Variants in OLFM2 observed in about 807,000 individuals in gnomAD.
OLFM2 encodes the protein olfactomedin 2.
In OLFM2, 20 loss-of-function variants were observed where a neutral mutation model predicts 43.9. That is an observed-to-expected ratio of 0.46 (90% confidence interval 0.32 to 0.66). OLFM2 has a LOEUF of 0.66. OLFM2 is among the 30% of genes least tolerant of loss of function. The pLI, the probability that OLFM2 is intolerant of heterozygous loss-of-function variation, is 0.04. For synonymous variants in OLFM2, 268 were observed against 278.6 expected (o/e 0.96, Z 0.38); for missense variants, 416 against 643.6 (o/e 0.65, Z 3.83).
At chr19:9,905,456 CAAAATAAAAT>C (rs749400741) in intron 1 of OLFM2, among the ~76,000 whole-genome samples, 4 of 151,440 alleles carry the variant, frequency 2.6e-5, no homozygotes, top group South Asian at 4.2e-4. Flanking sequence ...GACTCCATCT[CAAAATAAAAT>C]AAAATAAAAT....
intron 1 of OLFM2, among the ~76,000 whole-genome samples, chr19:9,889,596 C>T (rs749020265): frequency 1.6e-4 from 25 of 152,120 alleles, no homozygotes; most frequent in Non-Finnish European, 2.9e-4. Flanking sequence ...TGCATCAGCC[C>T]GAATGTGGAC....
intron 1 of OLFM2, among the ~76,000 whole-genome samples, chr19:9,904,778 G>A (rs897882206): frequency 2.6e-5 from 4 of 152,030 alleles, no homozygotes; most frequent in East Asian, 1.9e-4. Context: ...CCAACACTCC[G>A]GGAGGCCAAG....
At chr19:9,899,552 TTCTTC>T (rs149786268) in intron 1 of OLFM2, among the ~76,000 whole-genome samples, 8,306 of 152,026 alleles carry the variant, frequency 0.055, 385 homozygotes, top group African/African-American at 0.13. Context: ...ACTTGTTTTG[TTCTTC>T]TCTTTTCTTT....
intron 1 of OLFM2, among the ~76,000 whole-genome samples, chr19:9,935,003 T>G (rs1361483699): frequency 1.3e-5 from 2 of 152,190 alleles, no homozygotes; most frequent in Non-Finnish European, 2.9e-5. Context: ...GAGCGGATTA[T>G]TTAACAAGAG....
chr19:9,920,429 C>T (rs74551978), intron 1 of OLFM2, among the ~76,000 whole-genome samples: 1 of 152,064 alleles, frequency 6.6e-6, no homozygotes, highest in Non-Finnish European at 1.5e-5. Context: ...GATGTACCCA[C>T]GGTCAGAAAT....
intron 1 of OLFM2, among the ~76,000 whole-genome samples, chr19:9,866,477 G>A (rs2046402796): frequency 6.7e-6 from 1 of 149,188 alleles, no homozygotes; most frequent in Non-Finnish European, 1.5e-5. Context: ...TGTGGCAGAT[G>A]TACTAAAGAA....
chr19:9,892,453 G>A (rs999605456), intron 1 of OLFM2, among the ~76,000 whole-genome samples: 13 of 152,178 alleles, frequency 8.5e-5, no homozygotes, highest in Non-Finnish European at 2.9e-5. Flanking sequence ...CCTCACGCCT[G>A]TAATCCCAGC....
At chr19:9,855,020 C>A (rs147987371) in intron 5 of OLFM2, among the ~76,000 whole-genome samples, 157 bp from the exon 6 acceptor site, 9 of 152,248 alleles carry the variant, frequency 5.9e-5, no homozygotes, top group Admixed American at 2.0e-4. Context: ...CTAGTGTGAC[C>A]ATGATCATCT....
chr19:9,927,937 C>T (rs971887639), intron 1 of OLFM2, among the ~76,000 whole-genome samples: 1 of 152,158 alleles, frequency 6.6e-6, no homozygotes, highest in Non-Finnish European at 1.5e-5. Flanking sequence ...TGGCTCATGC[C>T]TGTAATCCCA....
chr19:9,875,848 A>G (rs11669872), intron 1 of OLFM2, among the ~76,000 whole-genome samples: 60,805 of 151,886 alleles, frequency 0.4, 14,969 homozygotes, highest in Admixed American at 0.54. Context: ...GAATAGCTCA[A>G]TAGCTACCAC....
intron 1 of OLFM2, among the ~76,000 whole-genome samples, chr19:9,912,318 C>T (rs1466822556): frequency 2.6e-5 from 4 of 152,164 alleles, no homozygotes; most frequent in Non-Finnish European, 5.9e-5. Flanking sequence ...CCACCACCAC[C>T]ACACACCCTT....
intron 1 of OLFM2, among the ~76,000 whole-genome samples, chr19:9,892,064 ATGTC>A (rs1304338392): frequency 2.6e-5 from 4 of 152,024 alleles, no homozygotes; most frequent in Non-Finnish European, 5.9e-5. Context: ...GAGGAGGGCT[ATGTC>A]TGAGTGTGCC....
In OLFM2 at chr19:9,854,278, G is replaced by A. The variant is rs1208468755; in HGVS notation, c.1273C>T (p.Arg425Trp). ...TTCCAGGTATAGAGGGCGCGCTCCC[G>A]GGGGTTGTAATCCAGCATCGAGATG... Reference protein sequence around the residue: ...SHISMLDYNPRERALYTWNNG... With the variant: ...SHISMLDYNPWERALYTWNNG... The change falls in exon 6 of 6, where the codon CGG becomes TGG. Residue 425 changes from arginine (R) to tryptophan (W), a missense_variant. Coordinates refer to ENST00000264833, the MANE Select transcript of OLFM2 (RefSeq NM_058164.4). The surrounding 1 kb of genome is among the most constrained non-coding windows in gnomAD (Gnocchi z 9.5). 1.2e-6 allele frequency: 2 copies of A among 1,613,950 alleles called. No homozygotes were observed. Among genetic ancestry groups the A allele is most frequent in the Non-Finnish European group, 8.5e-7 (1 of 1,179,966 alleles).
intron 1 of OLFM2, among the ~76,000 whole-genome samples, chr19:9,932,453 TCAAA>T (rs768676241): frequency 1.1e-5 from 1 of 88,912 alleles, no homozygotes; most frequent in Non-Finnish European, 2.0e-5. Context: ...AGACTCAGTC[TCAAA>T]AAAAAAAAAA....
intron 1 of OLFM2, among the ~76,000 whole-genome samples, chr19:9,905,395 T>G (rs1361848356): frequency 6.6e-6 from 1 of 151,994 alleles, no homozygotes; most frequent in Non-Finnish European, 1.5e-5. Context: ...AGGCGGAGCT[T>G]GCAGTGAGCC....
chr19:9,928,742 T>C (rs1320680000), intron 1 of OLFM2, among the ~76,000 whole-genome samples: 1 of 150,594 alleles, frequency 6.6e-6, no homozygotes, highest in Non-Finnish European at 1.5e-5. Flanking sequence ...GAGGCAGAGG[T>C]TGCAGTGAGA....
chr19:9,853,872 GGACAGAGAGAGAGA>G lies in OLFM2; in HGVS notation c.*300_*313del, dbSNP rs1398740191. 6.2e-5 allele frequency: 33 copies of G among 532,552 alleles called. 1 individual carries two copies. In the South Asian group the frequency reaches 7.9e-4, roughly 13 times the overall value. 33.0% of individuals were successfully genotyped at this position (532,552 alleles called of 1,614,324 possible). On this transcript the variant is annotated 3_prime_UTR_variant, in exon 6 of 6. Coordinates refer to ENST00000264833, the MANE Select transcript of OLFM2 (RefSeq NM_058164.4). ...GGGAAGCAAGGAGGGAGGGGTGGAA[GGACAGAGAGAGAGA>G]GACAGAGAGAGGCAGAGACGGAAAG...
At chr19:9,933,270 T>C (rs2086494795) in intron 1 of OLFM2, among the ~76,000 whole-genome samples, 1 of 152,202 alleles carries the variant, frequency 6.6e-6, no homozygotes, top group South Asian at 2.1e-4. Context: ...ACAGTCTTGT[T>C]CTGTTGCCTA....
intron 1 of OLFM2, among the ~76,000 whole-genome samples, chr19:9,882,791 C>T (rs2046550292): frequency 6.6e-6 from 1 of 150,728 alleles, no homozygotes; most frequent in South Asian, 2.1e-4. Context: ...ATGCCTATAG[C>T]CTCAGCACCT....
Sources: allele counts gnomAD v4.1 joint callset (sites outside exome capture counted in the v4.1 genomes callset), GRCh38; gene constraint gnomAD v4.1.1; non-coding constraint Gnocchi (gnomAD v3.1); transcripts MANE v1.5; gene names NCBI Gene and HGNC (gene_info 2026-07-23, HGNC 2026-07-21).